LARP1: variants seen among roughly 807,000 people sequenced by gnomAD.
The protein encoded by LARP1 is La ribonucleoprotein 1, translational regulator.
In LARP1, 36 loss-of-function variants were observed where a neutral mutation model predicts 122.7. That is an observed-to-expected ratio of 0.29 (90% CI 0.22 to 0.39). The LOEUF (loss-of-function observed/expected upper bound fraction) is 0.39. Ranked by LOEUF, LARP1 falls within the 10% of genes least tolerant of loss-of-function variation. The probability of loss-of-function intolerance (pLI) is 1.00; values close to 1 mark genes in which losing one functional copy is unlikely to be tolerated. For missense variants in LARP1, 1,040 were observed against 1,403.6 expected (o/e 0.74, Z 4.14); for synonymous variants, 539 against 528.7 (o/e 1.02, Z -0.27).
At chr5:154,691,573 C>G (rs1308517518) in intron 1 of LARP1, among the ~76,000 whole-genome samples, 1 of 152,154 alleles carries the variant, frequency 6.6e-6, no homozygotes, top group Non-Finnish European at 1.5e-5. Context: ...TGAAAAGGCT[C>G]CGGGATCCTG....
chr5:154,733,000 T>A (rs1756673562), intron 1 of LARP1, among the ~76,000 whole-genome samples: 1 of 152,132 alleles, frequency 6.6e-6, no homozygotes, highest in Admixed American at 6.6e-5. Flanking sequence ...GTGGAGTTAG[T>A]AAGTAAGGCG....
At chr5:154,754,724 C>T (rs558947651), upstream of LARP1, among the ~76,000 whole-genome samples, 37 of 152,340 alleles carry the variant, frequency 2.4e-4, no homozygotes, top group Admixed American at 7.2e-4. Flanking sequence ...AGGCCAGGCC[C>T]AGCGGCGGCG....
chr5:154,766,999 C>G (rs1464434841), intron 1 of LARP1, among the ~76,000 whole-genome samples: 10 of 152,218 alleles, frequency 6.6e-5, no homozygotes, highest in Admixed American at 6.5e-4. Flanking sequence ...AGGAGTTGTT[C>G]AGGATTCCAG....
Position 154,802,477 on chromosome 5 carries a change from T to C in LARP1, c.2109+78T>C, listed in dbSNP as rs1758426828. On this transcript the variant is annotated intron_variant, in intron 11 of 18. Coordinates refer to ENST00000518297, the MANE Select transcript of LARP1 (RefSeq NM_033551.3). This position sits in a 1 kb window ranked among gnomAD's most constrained non-coding sequence, Gnocchi z 5.1. The stretch of plus-strand genomic sequence containing the variant: ...GGAGAAGAGGAAGCCTGATTAGCTG[T>C]GCAATTTTAGGCAGGTCCTTATAAT... 1.4e-6 allele frequency: 2 copies of C among 1,478,354 alleles called. No homozygotes were observed. The highest frequency in any genetic ancestry group is 2.3e-5 in the Admixed American group (1 of 43,346). The allele number at this position is 1,478,354 out of a possible 1,614,324, so 91.6% of individuals were successfully genotyped here.
intron 1 of LARP1, among the ~76,000 whole-genome samples, chr5:154,768,230 A>G (rs1230083508): frequency 6.6e-6 from 1 of 152,198 alleles, no homozygotes; most frequent in East Asian, 1.9e-4. Flanking sequence ...AGTTTAGAGC[A>G]TGATTTGTTG....
chr5:154,805,387 C>A (rs1034714272), intron 14 of LARP1: 1 of 194,648 alleles, frequency 5.1e-6, no homozygotes, highest in African/African-American at 2.4e-5. Context: ...TCCTCATCCT[C>A]ATGGTCTTCA....
intron 1 of LARP1, among the ~76,000 whole-genome samples, chr5:154,703,821 A>G (rs1459278450): frequency 6.6e-6 from 1 of 152,044 alleles, no homozygotes; most frequent in Non-Finnish European, 1.5e-5. Context: ...GGGTTTCACT[A>G]TGTTGGCCAG....
At chr5:154,685,809 A>AT (rs199839137) in intron 1 of LARP1, 5,319 of 383,198 alleles carry the variant, frequency 0.014, no homozygotes, top group Admixed American at 0.031. Context: ...CAACTCTACA[A>AT]TTTTTTTTTT....
chr5:154,696,193 C>CA (rs2113227419), intron 1 of LARP1, among the ~76,000 whole-genome samples: 1 of 151,832 alleles, frequency 6.6e-6, no homozygotes, highest in Non-Finnish European at 1.5e-5. Flanking sequence ...ACTTTTTCTA[C>CA]AAAAAATTAA....
At chr5:154,726,083 G>A (rs952664811) in intron 1 of LARP1, among the ~76,000 whole-genome samples, 18 of 152,132 alleles carry the variant, frequency 1.2e-4, no homozygotes, top group South Asian at 2.1e-4. Flanking sequence ...CAAGTGATCC[G>A]CCCACCTTGG....
chr5:154,750,463 T>C (rs1303863040), upstream of LARP1, among the ~76,000 whole-genome samples: 3 of 151,850 alleles, frequency 2.0e-5, no homozygotes, highest in Non-Finnish European at 2.9e-5. Context: ...GTAGAGATGG[T>C]GTTTTGTCAT....
intron 1 of LARP1, among the ~76,000 whole-genome samples, chr5:154,721,462 G>A (rs1282704575): frequency 6.6e-6 from 1 of 152,188 alleles, no homozygotes; most frequent in Non-Finnish European, 1.5e-5. Context: ...AGCCGAGGCT[G>A]AAAGAAGTGA....
intron 1 of LARP1, among the ~76,000 whole-genome samples, chr5:154,733,975 G>A (rs1184126242): frequency 1.3e-5 from 2 of 151,986 alleles, no homozygotes; most frequent in South Asian, 2.1e-4. Context: ...AGACCATCCT[G>A]GCTAACATGG....
intron 1 of LARP1, among the ~76,000 whole-genome samples, chr5:154,700,553 T>A (rs1390643897): frequency 2.0e-5 from 3 of 152,030 alleles, no homozygotes; most frequent in African/African-American, 4.8e-5. Context: ...AATATTGCAT[T>A]AAAGTATTAT....
chr5:154,740,026 T>C (rs1757136262), intron 1 of LARP1, among the ~76,000 whole-genome samples: 3 of 146,352 alleles, frequency 2.0e-5, no homozygotes, highest in Admixed American at 1.4e-4. Flanking sequence ...TAGTGAGACC[T>C]TGTCTCTAAA....
chr5:154,691,768 T>A (rs1754225020), intron 1 of LARP1, among the ~76,000 whole-genome samples: 2 of 151,414 alleles, frequency 1.3e-5, no homozygotes, highest in African/African-American at 4.8e-5. Flanking sequence ...CGGGTGAGCG[T>A]TGTCAGGCAC....
At chr5:154,739,188 TG>T in intron 1 of LARP1, among the ~76,000 whole-genome samples, 1 of 150,714 alleles carries the variant, frequency 6.6e-6, no homozygotes, top group African/African-American at 2.4e-5. Flanking sequence ...GCTAATTTTT[TG>T]TATTTTTTTT....
intron 1 of LARP1, among the ~76,000 whole-genome samples, chr5:154,714,460 C>T (rs1032810626): frequency 6.6e-6 from 1 of 152,138 alleles, no homozygotes; most frequent in East Asian, 1.9e-4. Context: ...TCTAACGACT[C>T]GTGGGATGGG....
At chr5:154,785,702 T>A (rs11167701) in intron 1 of LARP1, among the ~76,000 whole-genome samples, 2,932 of 152,114 alleles carry the variant, frequency 0.019, 90 homozygotes, top group African/African-American at 0.068. Flanking sequence ...TAGACACACT[T>A]GAAAATAGAG....
Sources: allele counts gnomAD v4.1 joint callset (sites outside exome capture counted in the v4.1 genomes callset), GRCh38; gene constraint gnomAD v4.1.1; non-coding constraint Gnocchi (gnomAD v3.1); transcripts MANE v1.5; gene names NCBI Gene and HGNC (gene_info 2026-07-23, HGNC 2026-07-21).